Variants in PCDHA11 observed in about 807,000 individuals in gnomAD.
PCDHA11 encodes protocadherin alpha-11.
A neutral mutation model predicts 70.3 loss-of-function variants in PCDHA11; 61 were observed. The observed-to-expected ratio is 0.87, with a 90% CI of 0.71 to 1.07. The LOEUF (loss-of-function observed/expected upper bound fraction) is 1.07. Ranked by LOEUF, PCDHA11 falls within the 50% of genes least tolerant of loss-of-function variation. The pLI, the probability that PCDHA11 is intolerant of heterozygous loss-of-function variation, is 0.00. For missense variants in PCDHA11, 1,324 were observed against 1,237.5 expected (o/e 1.07, Z -1.05); for synonymous variants, 633 against 555.1 (o/e 1.14, Z -1.97).
intron 3 of PCDHA11, among the ~76,000 whole-genome samples, chr5:140,987,604 T>G (rs2097261353): frequency 6.6e-6 from 1 of 152,222 alleles, no homozygotes; most frequent in Admixed American, 6.5e-5. Context: ...GTCTACCTTA[T>G]AGGGTTCTTG....
intron 1 of PCDHA11, among the ~76,000 whole-genome samples, chr5:140,895,655 A>G (rs2065093360): frequency 6.6e-6 from 1 of 152,154 alleles, no homozygotes. Context: ...TCCCACTTAT[A>G]AGTGAGAACA....
chr5:140,904,139 A>C (rs557435150), intron 1 of PCDHA11, among the ~76,000 whole-genome samples: 10 of 152,286 alleles, frequency 6.6e-5, no homozygotes, highest in African/African-American at 2.2e-4. Flanking sequence ...TCACCCGAGC[A>C]GTATACATTG....
chr5:140,886,552 G>A (rs188986859), intron 1 of PCDHA11, among the ~76,000 whole-genome samples: 132 of 151,712 alleles, frequency 8.7e-4, no homozygotes, highest in Middle Eastern at 3.4e-3. Flanking sequence ...TCCCAGCTGG[G>A]CACGGTGGCT....
chr5:140,884,014 G>T, intron 1 of PCDHA11: 2 of 1,613,168 alleles, frequency 1.2e-6, no homozygotes, highest in Non-Finnish European at 1.7e-6. Context: ...AGCTGATGCC[G>T]CGGTCGGTGG....
intron 1 of PCDHA11, among the ~76,000 whole-genome samples, chr5:140,962,009 G>C (rs545144318): frequency 1.3e-4 from 19 of 151,596 alleles, no homozygotes; most frequent in African/African-American, 3.6e-4. Flanking sequence ...TCAGCTTCCC[G>C]AGTAGCTGGG....
chr5:140,926,370 A>G (rs1268539055), intron 1 of PCDHA11: 1 of 152,298 alleles, frequency 6.6e-6, no homozygotes, highest in African/African-American at 2.4e-5. Flanking sequence ...GGCGGCAGGA[A>G]GAGCCCAGCT....
intron 1 of PCDHA11, among the ~76,000 whole-genome samples, chr5:140,924,901 A>AAAT (rs1554202313): frequency 5.5e-4 from 44 of 80,500 alleles, no homozygotes; most frequent in Non-Finnish European, 9.1e-4. Flanking sequence ...TCTCAAAAAA[A>AAAT]AAAATAAAAT....
intron 3 of PCDHA11, among the ~76,000 whole-genome samples, chr5:140,989,548 T>G (rs914557459): frequency 1.3e-5 from 2 of 152,166 alleles, no homozygotes; most frequent in Non-Finnish European, 2.9e-5. Flanking sequence ...TGTAATTCCT[T>G]TACGTTTTGT....
At chr5:140,886,830 A>G (rs2061165550) in intron 1 of PCDHA11, among the ~76,000 whole-genome samples, 1 of 150,424 alleles carries the variant, frequency 6.6e-6, no homozygotes, top group Non-Finnish European at 1.5e-5. Flanking sequence ...TCGTCTTGAA[A>G]AAAAAAAAAA....
intron 1 of PCDHA11, chr5:140,927,062 T>C: frequency 6.2e-7 from 1 of 1,611,326 alleles, no homozygotes; most frequent in Non-Finnish European, 8.5e-7. Flanking sequence ...AACTTTCGCT[T>C]CCTTTCCAGC....
At chr5:140,968,684 G>A in intron 1 of PCDHA11, 1 of 1,614,140 alleles carries the variant, frequency 6.2e-7, no homozygotes, top group Non-Finnish European at 8.5e-7. Flanking sequence ...GCTGCACACA[G>A]GAGAAATTAG....
At chr5:140,979,564 A>G (rs1267870261) in intron 2 of PCDHA11, among the ~76,000 whole-genome samples, 2 of 152,222 alleles carry the variant, frequency 1.3e-5, no homozygotes, top group Non-Finnish European at 2.9e-5. Context: ...AAGATGAGCC[A>G]TGTAAAGGGC....
At chr5:140,898,467 T>G (rs576206648) in intron 1 of PCDHA11, among the ~76,000 whole-genome samples, 147 of 152,296 alleles carry the variant, frequency 9.7e-4, no homozygotes, top group Non-Finnish European at 1.9e-3. Flanking sequence ...CATTGCTTGT[T>G]TTTCTCAGGT....
At chr5:140,998,130 A>C (rs1226238554) in intron 3 of PCDHA11, among the ~76,000 whole-genome samples, 1 of 152,206 alleles carries the variant, frequency 6.6e-6, no homozygotes, top group Non-Finnish European at 1.5e-5. Context: ...GAATCATAAT[A>C]GCTAACCTGT....
chr5:141,009,372 T>C (rs1026606654), intron 3 of PCDHA11, among the ~76,000 whole-genome samples: 3 of 152,152 alleles, frequency 2.0e-5, no homozygotes, highest in Non-Finnish European at 1.5e-5. Context: ...GATGGGAGGA[T>C]TGATTGAGCA....
chr5:140,959,642 A>G (rs1352450996), intron 1 of PCDHA11, among the ~76,000 whole-genome samples: 7 of 152,230 alleles, frequency 4.6e-5, no homozygotes, highest in African/African-American at 1.7e-4. Flanking sequence ...GAAAAAACAC[A>G]GAAGCAAAAT....
chr5:140,876,031 G>C, intron 1 of PCDHA11: 2 of 1,613,702 alleles, frequency 1.2e-6, no homozygotes, highest in Non-Finnish European at 1.7e-6. Flanking sequence ...AACAAAAAAA[G>C]ATAAAAGTAT....
intron 1 of PCDHA11, among the ~76,000 whole-genome samples, chr5:140,936,136 G>A (rs1393112473): frequency 2.0e-5 from 3 of 152,184 alleles, no homozygotes; most frequent in Admixed American, 1.3e-4. Context: ...TAAGTGATCT[G>A]CCCGCCTTGG....
Position 140,870,785 on chromosome 5 carries a change from C to T in PCDHA11, c.1682C>T (p.Ala561Val). Reference sequence around the variant, plus strand: ...TTCGTGCTGGACGAGAACGACAACGCGCCGGCACTGCTGGCGACTCAGGCT... The same window carrying T: ...TTCGTGCTGGACGAGAACGACAACGTGCCGGCACTGCTGGCGACTCAGGCT... ...QVFVLDENDN[A>V]PALLATQAGS... Residue 561 changes from alanine (A) to valine (V), a missense_variant, in exon 1 of 4, where the codon GCG becomes GTG. Physicochemically the swap from Ala to Val is moderately conservative, Grantham distance 64. Transcript: ENST00000398640. 1 of 1,613,662 alleles carries T rather than the reference C, an allele frequency of 6.2e-7. No individual in the cohort carries two copies. Among genetic ancestry groups the T allele is most frequent in the East Asian group, 2.2e-5 (1 of 44,878 alleles).
Sources: allele counts gnomAD v4.1 joint callset (sites outside exome capture counted in the v4.1 genomes callset), GRCh38; gene constraint gnomAD v4.1.1; transcripts MANE v1.5; gene names NCBI Gene and HGNC (gene_info 2026-07-23, HGNC 2026-07-21).